The following EPHA4 variants were observed in gnomAD, a reference collection of about 807,000 sequenced individuals.
EPHA4 encodes the protein ephrin type-A receptor 4.
EPHA4 carries 19 observed loss-of-function variants against 108.3 expected under a neutral mutation model. The observed-to-expected ratio is 0.18, with a 90% CI of 0.12 to 0.26. EPHA4 has a LOEUF of 0.26. Ranked by LOEUF, EPHA4 falls within the 10% of genes least tolerant of loss-of-function variation. The probability of loss-of-function intolerance (pLI) is 1.00; values close to 1 mark genes in which losing one functional copy is unlikely to be tolerated. For missense variants in EPHA4, 917 were observed against 1,254.0 expected (o/e 0.73, Z 4.06); for synonymous variants, 449 against 455.5 (o/e 0.99, Z 0.18).
intron 3 of EPHA4, 91 bp from the exon 4 acceptor site, chr2:221,501,263 G>A: frequency 2.5e-6 from 3 of 1,176,626 alleles, no homozygotes; most frequent in Non-Finnish European, 3.5e-6. Flanking sequence ...TTCAGAAGAA[G>A]GGAGACGTTC....
chr2:221,526,949 C>T (rs1014518857), intron 3 of EPHA4, among the ~76,000 whole-genome samples: 4 of 132,940 alleles, frequency 3.0e-5, no homozygotes, highest in East Asian at 4.2e-4. Context: ...AATCTACCCC[C>T]GTCTCTACTA....
chr2:221,538,421 T>C (rs770521075), intron 3 of EPHA4, among the ~76,000 whole-genome samples: 3 of 152,252 alleles, frequency 2.0e-5, no homozygotes, highest in Non-Finnish European at 4.4e-5. Flanking sequence ...TTTTCTGGAA[T>C]GACTAGCAGC....
intron 3 of EPHA4, among the ~76,000 whole-genome samples, chr2:221,534,249 C>T (rs1466317319): frequency 1.3e-5 from 2 of 152,124 alleles, no homozygotes. Flanking sequence ...CAAAAACATG[C>T]CTGTAATTAG....
intron 4 of EPHA4, among the ~76,000 whole-genome samples, chr2:221,492,287 C>T (rs1311198974): frequency 6.6e-6 from 1 of 152,082 alleles, no homozygotes; most frequent in African/African-American, 2.4e-5. Context: ...TTGCATTTTC[C>T]AGTGGAATCC....
At chr2:221,567,757 G>A (rs144835362) in intron 2 of EPHA4, among the ~76,000 whole-genome samples, 146 of 152,282 alleles carry the variant, frequency 9.6e-4, no homozygotes, top group African/African-American at 2.9e-3. Context: ...CAATGGACCG[G>A]TGTGGAGCCC....
At chr2:221,479,476 G>A (rs3770146) in intron 5 of EPHA4, among the ~76,000 whole-genome samples, 63,793 of 152,078 alleles carry the variant, frequency 0.42, 13,493 homozygotes, top group East Asian at 0.52. Flanking sequence ...AAATGCTAAC[G>A]TTCATTAATT....
chr2:221,518,558 A>G (rs1559276379), intron 3 of EPHA4, among the ~76,000 whole-genome samples: 1 of 152,264 alleles, frequency 6.6e-6, no homozygotes, highest in Non-Finnish European at 1.5e-5. Flanking sequence ...CGAATGAATG[A>G]ATGAATGATG....
chr2:221,526,311 G>A (rs542718146), intron 3 of EPHA4, among the ~76,000 whole-genome samples: 3 of 152,136 alleles, frequency 2.0e-5, no homozygotes, highest in South Asian at 2.1e-4. Flanking sequence ...TTTAAGCTAC[G>A]GAAACTGGGG....
chr2:221,510,188 ACTT>A (rs1415554653), intron 3 of EPHA4, among the ~76,000 whole-genome samples: 6 of 152,212 alleles, frequency 3.9e-5, no homozygotes, highest in Non-Finnish European at 7.3e-5. Context: ...CTATGGGATA[ACTT>A]CTTCATTATT....
intron 4 of EPHA4, among the ~76,000 whole-genome samples, chr2:221,499,745 TA>T (rs60733485): frequency 0.055 from 3,322 of 59,896 alleles, 106 homozygotes; most frequent in Non-Finnish European, 0.066. Flanking sequence ...TATATATATA[TA>T]TATATATATA....
At chr2:221,439,921 C>T (rs1216255188) in intron 11 of EPHA4, among the ~76,000 whole-genome samples, 1 of 152,188 alleles carries the variant, frequency 6.6e-6, no homozygotes, top group Non-Finnish European at 1.5e-5. Flanking sequence ...CACGCTTCCA[C>T]TCTACCCTTT....
chr2:221,546,954 G>A (rs1167595191), intron 3 of EPHA4, among the ~76,000 whole-genome samples: 1 of 151,190 alleles, frequency 6.6e-6, no homozygotes, highest in Non-Finnish European at 1.5e-5. Flanking sequence ...AAAAATAAAA[G>A]GGGGGGGACA....
chr2:221,499,257 T>C (rs1692399605), intron 4 of EPHA4, among the ~76,000 whole-genome samples: 1 of 148,506 alleles, frequency 6.7e-6, no homozygotes, highest in Admixed American at 6.7e-5. Flanking sequence ...ATAATAATAA[T>C]ATAAAATAGA....
intron 5 of EPHA4, among the ~76,000 whole-genome samples, chr2:221,459,070 C>G (rs1691056440): frequency 6.6e-6 from 1 of 152,092 alleles, no homozygotes; most frequent in South Asian, 2.1e-4. Context: ...CTCCAAGGAA[C>G]AAAGATAAAA....
rs1392603148 is a variant in EPHA4, at chr2:221,442,962, C to A, written c.1941G>T (p.Glu647Asp). 3 of 1,614,056 alleles carry A rather than the reference C, an allele frequency of 1.9e-6. No homozygotes were observed. The highest frequency in any genetic ancestry group is 1.7e-6 in the Non-Finnish European group (2 of 1,180,040). ...TCAGAGTCTTGATAGCCACACAGAT[C>A]TCTCTCTTGCCAGGCACTTTGAGAC... ...SGRLKVPGKR[E>D]ICVAIKTLKA... Residue 647 changes from glutamate (E) to aspartate (D), a missense_variant, in exon 11 of 18, where the codon GAG (glutamate) becomes GAT (aspartate). Around this residue, in one of 3 missense-constraint regions of EPHA4, gnomAD observed 758 missense variants for 1,076.7 expected, o/e 0.70. Transcript: ENST00000281821.
chr2:221,538,942 C>T lies in EPHA4; in HGVS notation c.823+24789G>A, dbSNP rs182677898. 3.2e-3 allele frequency among the ~76,000 whole-genome samples: 492 copies of T among 152,216 alleles called. 2 individuals carry two copies. Among genetic ancestry groups the T allele is most frequent in the Non-Finnish European group, 5.6e-3 (381 of 68,026 alleles). On this transcript the variant is annotated intron_variant, in intron 3 of 17. Coordinates refer to ENST00000281821, the MANE Select transcript of EPHA4 (RefSeq NM_004438.5). ...ATTGTTTTAGGTGCTATAGTGAATG[C>T]AAAGATAAATACAGACTTAGCCTGG...
chr2:221,483,262 G>A (rs1691885769), intron 4 of EPHA4, among the ~76,000 whole-genome samples: 1 of 152,118 alleles, frequency 6.6e-6, no homozygotes, highest in African/African-American at 2.4e-5. Flanking sequence ...AGATGTTGAA[G>A]ATACAGCTGT....
intron 5 of EPHA4, among the ~76,000 whole-genome samples, chr2:221,464,776 G>A (rs1228975643): frequency 6.6e-6 from 1 of 152,064 alleles, no homozygotes; most frequent in Non-Finnish European, 1.5e-5. Context: ...ACCCCCAACA[G>A]CTTTTAGTTG....
At chr2:221,478,211 C>G (rs1691716590) in intron 5 of EPHA4, among the ~76,000 whole-genome samples, 1 of 147,036 alleles carries the variant, frequency 6.8e-6, no homozygotes, top group Non-Finnish European at 1.5e-5. Flanking sequence ...GCCATCACAG[C>G]CTTTTTAACA....
Sources: allele counts gnomAD v4.1 joint callset (sites outside exome capture counted in the v4.1 genomes callset), GRCh38; gene constraint gnomAD v4.1.1; regional missense constraint gnomAD v4.1.1; transcripts MANE v1.5; gene names NCBI Gene and HGNC (gene_info 2026-07-23, HGNC 2026-07-21).